Variants in UHRF1 observed in about 807,000 individuals in gnomAD.
UHRF1 encodes E3 ubiquitin-protein ligase UHRF1.
In UHRF1, 9 loss-of-function variants were observed where a neutral mutation model predicts 96.5. The ratio of observed to expected loss-of-function variants is 0.09; its 90% CI spans 0.06 to 0.16. The LOEUF is 0.16. Among genes scored for constraint, UHRF1 ranks in the 10% least tolerant of loss-of-function variants. The probability of loss-of-function intolerance (pLI) is 1.00; values close to 1 mark genes in which losing one functional copy is unlikely to be tolerated. For synonymous variants in UHRF1, 455 were observed against 469.9 expected, an observed-to-expected ratio of 0.97 and a Z score of 0.41; for missense variants, 626 against 1,131.1, an observed-to-expected ratio of 0.55 and a Z score of 6.40.
chr19:4,908,616 C>G (rs1053442911), upstream of UHRF1, among the ~76,000 whole-genome samples: 1 of 152,202 alleles, frequency 6.6e-6, no homozygotes, highest in Admixed American at 6.5e-5. Context: ...CAAATGTCAT[C>G]TTCTCTGAGA....
Position 4,930,946 on chromosome 19 carries a change from C to G in UHRF1, c.569+70C>G, listed in dbSNP as rs1358090225. 3 of 1,583,558 alleles carry G rather than the reference C, an allele frequency of 1.9e-6. No homozygotes were observed. Among genetic ancestry groups the G allele is most frequent in the African/African-American group, 1.3e-5 (1 of 74,474 alleles). On this transcript the variant is annotated intron_variant, in intron 4 of 16. Transcript: ENST00000650932. This position sits in a 1 kb window ranked among gnomAD's most constrained non-coding sequence, Gnocchi z 4.4. ...ACGCGCATCCTTGGCTGCGGGTGTT[C>G]AGGCCAGAGCTTGGCACTGTCTCGA...
At position 4,956,788 on chromosome 19, in the gene UHRF1, C is replaced by T. The variant is rs752034420; in HGVS notation, c.2210C>T (p.Thr737Ile). 2.5e-6 allele frequency: 4 copies of T among 1,609,772 alleles called. No individual in the cohort carries two copies. The East Asian group carries it at 8.9e-5, about 36-fold the overall frequency. ...GAGCTGGTGTTCCGGCCCATCACGA[C>T]CGTGTGCCAGCACAACGTGTGCAAG... ...CQELVFRPITTVCQHNVCKDC... is the reference protein window; with the variant it reads ...CQELVFRPITIVCQHNVCKDC... Residue 737 changes from threonine (T) to isoleucine (I), a missense_variant, in exon 16 of 17, where the codon ACC becomes ATC. This residue lies in a region of UHRF1 where 84 missense variants were observed against 150.3 expected (regional missense o/e 0.56). Coordinates refer to ENST00000650932, the MANE Select transcript of UHRF1 (RefSeq NM_001048201.3).
Position 4,950,963 on chromosome 19 carries a change from G to T in UHRF1, c.1785G>T (p.Lys595Asn). 6.2e-7 allele frequency: 1 copy of T among 1,611,830 alleles called. No individual in the cohort carries two copies. The highest frequency in any genetic ancestry group is 8.5e-7 in the Non-Finnish European group (1 of 1,179,720). ...CTGGCCCTTGGACGAAGGAGGGGAA[G>T]GACCGGATCAAGAAGCTGGGGCTGA... Reference protein sequence around the residue: ...DEPGPWTKEGKDRIKKLGLTM... With the variant: ...DEPGPWTKEGNDRIKKLGLTM... The change falls in exon 13 of 17, where the codon AAG (lysine) becomes AAT (asparagine). Residue 595 changes from lysine to asparagine, a missense_variant. Lys to Asn is a moderately conservative substitution (Grantham distance 94). Transcript: ENST00000650932.
intron 5 of UHRF1, among the ~76,000 whole-genome samples, chr19:4,933,910 C>G (rs2033136197): frequency 6.6e-6 from 1 of 151,032 alleles, no homozygotes; most frequent in Admixed American, 6.6e-5. Context: ...CCTATTTGGC[C>G]ATTTGCAGAA....
intron 2 of UHRF1, among the ~76,000 whole-genome samples, chr19:4,917,484 T>C (rs1024720190): frequency 6.6e-6 from 1 of 151,452 alleles, no homozygotes; most frequent in African/African-American, 2.4e-5. Context: ...TGAAACCCCA[T>C]CTTTACTAAA....
At chr19:4,918,560 A>G (rs1403794369) in intron 2 of UHRF1, among the ~76,000 whole-genome samples, 6 of 151,292 alleles carry the variant, frequency 4.0e-5, no homozygotes, top group Non-Finnish European at 8.8e-5. Flanking sequence ...GACTACAGGC[A>G]TGCACCACCA....
Position 4,954,408 on chromosome 19 carries a change from A to G in UHRF1, c.1877A>G (p.Lys626Arg), listed in dbSNP as rs549250888. Reference sequence around the variant, plus strand: ...CGAGAGCGAGAGAAGGAGAACAGCAAGAGGGAGGAGGAGGAGCAGCAGGAG... The same window carrying G: ...CGAGAGCGAGAGAAGGAGAACAGCAGGAGGGAGGAGGAGGAGCAGCAGGAG... Reference protein sequence around the residue: ...ANREREKENSKREEEEQQEGG... With the variant: ...ANREREKENSRREEEEQQEGG... Residue 626 changes from lysine to arginine, a missense_variant, in exon 14 of 17, where the codon AAG becomes AGG. Physicochemically the swap from Lys to Arg is conservative, Grantham distance 26 (BLOSUM62 2). Transcript: ENST00000650932. The surrounding 1 kb of genome is among the most constrained non-coding windows in gnomAD (Gnocchi z 5.9). The G allele has an allele frequency of 2.7e-5, 44 of 1,613,774 alleles. No individual in the cohort carries two copies. The African/African-American group carries it at 5.2e-4, about 19-fold the overall frequency.
rs2033018392 is a variant in UHRF1 at position 4,930,650 on chromosome 19, C to G, written c.409-66C>G. On this transcript the variant is annotated intron_variant, in intron 3 of 16. Coordinates refer to ENST00000650932, the MANE Select transcript of UHRF1 (RefSeq NM_001048201.3). This position sits in a 1 kb window ranked among gnomAD's most constrained non-coding sequence, Gnocchi z 4.4. ...TCCAGAGCATCCCAGTGTCCGAGAACCAAGGTGGTCTCCCGTCAGTTTTCC... is the reference window on the plus strand; with the variant it reads ...TCCAGAGCATCCCAGTGTCCGAGAAGCAAGGTGGTCTCCCGTCAGTTTTCC... 6.4e-7 allele frequency: 1 copy of G among 1,558,042 alleles called. No individual in the cohort carries two copies.
At chr19:4,905,556 T>C (rs920000774), upstream of UHRF1, among the ~76,000 whole-genome samples, 1 of 150,870 alleles carries the variant, frequency 6.6e-6, no homozygotes, top group Non-Finnish European at 1.5e-5. Context: ...TTGCTCTTGT[T>C]GCCCAGGCTG....
intron 5 of UHRF1, among the ~76,000 whole-genome samples, chr19:4,935,545 A>ATT (rs374797867): frequency 7.2e-6 from 1 of 139,198 alleles, no homozygotes; most frequent in South Asian, 2.3e-4. Context: ...TGGGGGCTTC[A>ATT]TTTTTTTTTT....
chr19:4,942,549 A>G (rs1461618480), intron 7 of UHRF1, among the ~76,000 whole-genome samples: 2 of 147,652 alleles, frequency 1.4e-5, no homozygotes, highest in South Asian at 2.1e-4. Context: ...CCCGGGTTCA[A>G]GCAATTCTCG....
intron 2 of UHRF1, among the ~76,000 whole-genome samples, chr19:4,922,192 C>T (rs1474360610): frequency 6.6e-6 from 1 of 152,080 alleles, no homozygotes; most frequent in South Asian, 2.1e-4. Context: ...AGTGATCTGC[C>T]TGCCTCGGCC....
chr19:4,941,494 G>C, intron 5 of UHRF1, 34 bp from the exon 6 acceptor site: 2 of 1,575,308 alleles, frequency 1.3e-6, no homozygotes, highest in South Asian at 2.3e-5. Flanking sequence ...GGCCTCGGCA[G>C]GCCAGAATGT....
chr19:4,946,862 C>T (rs1027354600), intron 10 of UHRF1, among the ~76,000 whole-genome samples: 3 of 152,238 alleles, frequency 2.0e-5, no homozygotes, highest in African/African-American at 7.2e-5. Flanking sequence ...GGGTGTGAGC[C>T]ACCATGCCCA....
At position 4,954,442 on chromosome 19, in the gene UHRF1, C is replaced by T. The variant is rs2247238; in HGVS notation, c.1911C>T (p.Phe637=). ...AGGAGGAGCAGCAGGAGGGGGGCTT[C>T]GCGTCCCCCAGGACGGGCAAGGGCA... is the stretch of plus-strand genomic sequence containing the variant. ...REEEEQQEGG[F]ASPRTGKGKW... is the part of the protein sequence containing the mutation. Residue 637 remains phenylalanine, a synonymous_variant, in exon 14 of 17, where the codon TTC becomes TTT. Transcript: ENST00000650932. This position sits in a 1 kb window ranked among gnomAD's most constrained non-coding sequence, Gnocchi z 5.9. 0.24 allele frequency: 390,323 copies of T among 1,612,802 alleles called. 55,195 individuals carry two copies. The highest frequency in any genetic ancestry group is 0.73 in the East Asian group (32,741 of 44,784).
At chr19:4,926,634 T>C (rs775812856) in intron 2 of UHRF1, among the ~76,000 whole-genome samples, 7 of 152,016 alleles carry the variant, frequency 4.6e-5, no homozygotes, top group Non-Finnish European at 8.8e-5. Context: ...GCATGGGTGA[T>C]GTGTGCCTGT....
chr19:4,917,305 T>C lies in UHRF1; in HGVS notation c.153+6267T>C, dbSNP rs1959434157. On this transcript the variant is annotated intron_variant, in intron 2 of 16. Coordinates refer to ENST00000650932, the MANE Select transcript of UHRF1 (RefSeq NM_001048201.3). ...ATCAGCAAACTTAGTTATCAAGTTG[T>C]ATTTGTATTTATCTGGACACTTTTT... 1.3e-5 allele frequency among the ~76,000 whole-genome samples: 2 copies of C among 151,900 alleles called. 1 individual carries two copies. Among genetic ancestry groups the C allele is most frequent in the South Asian group, 4.1e-4 (2 of 4,822 alleles).
intron 5 of UHRF1, among the ~76,000 whole-genome samples, chr19:4,933,183 T>G (rs1336615585): frequency 6.6e-6 from 1 of 152,224 alleles, no homozygotes; most frequent in Non-Finnish European, 1.5e-5. Flanking sequence ...GAACTGTCTC[T>G]GACCCCCAGG....
chr19:4,914,001 G>A (rs1368282582), intron 2 of UHRF1, among the ~76,000 whole-genome samples: 1 of 151,904 alleles, frequency 6.6e-6, no homozygotes, highest in African/African-American at 2.4e-5. Context: ...TTTTAGTAGA[G>A]ATGGGGTTTC....
Sources: gnomAD v4.1 joint callset for allele counts (sites outside exome capture counted in the v4.1 genomes callset) on GRCh38, gnomAD v4.1.1 for gene constraint, gnomAD v4.1.1 regional missense constraint, Gnocchi (gnomAD v3.1) non-coding constraint, MANE v1.5 for transcripts, NCBI Gene and HGNC (gene_info 2026-07-23, HGNC 2026-07-21) for gene names.